THRB: variants seen among roughly 807,000 people sequenced by gnomAD.
THRB encodes the protein nuclear receptor subfamily 1 group A member 2.
Under a neutral mutation model 47.8 loss-of-function variants are expected in THRB, and 12 were observed. That is an observed-to-expected ratio of 0.25 (90% CI 0.16 to 0.41). The LOEUF is 0.41. THRB is among the 10% of genes least tolerant of loss of function. The pLI is 1.00. For missense variants in THRB, 348 were observed against 589.2 expected, an observed-to-expected ratio of 0.59 and a Z score of 4.24; for synonymous variants, 218 against 212.2, an observed-to-expected ratio of 1.03 and a Z score of -0.24.
At chr3:24,360,151 T>C (rs532466691) in intron 1 of THRB, among the ~76,000 whole-genome samples, 2 of 152,298 alleles carry the variant, frequency 1.3e-5, no homozygotes, top group African/African-American at 2.4e-5. Context: ...GCAACATTTA[T>C]TGATTATCTG....
chr3:24,274,583 TTCTC>T (rs754791834), intron 3 of THRB, among the ~76,000 whole-genome samples: 25 of 152,204 alleles, frequency 1.6e-4, no homozygotes, highest in Non-Finnish European at 3.4e-4. Context: ...CTTCTTTCCC[TTCTC>T]TCTTTCTTGT....
At chr3:24,125,053 T>A (rs2148806467) in intron 10 of THRB, among the ~76,000 whole-genome samples, 1 of 152,338 alleles carries the variant, frequency 6.6e-6, no homozygotes, top group Non-Finnish European at 1.5e-5. Context: ...ATTCACAGTT[T>A]TTGTCATCTC....
At chr3:24,395,090 C>G (rs1014237499) in intron 1 of THRB, among the ~76,000 whole-genome samples, 10 of 152,046 alleles carry the variant, frequency 6.6e-5, no homozygotes, top group Admixed American at 6.6e-5. Context: ...GAAGCTGGAA[C>G]CCTTCCTCAT....
At chr3:24,175,460 TC>T (rs1302575254) in intron 5 of THRB, among the ~76,000 whole-genome samples, 2 of 152,166 alleles carry the variant, frequency 1.3e-5, no homozygotes, top group African/African-American at 4.8e-5. Flanking sequence ...GAGATACTAT[TC>T]AAAAAGAGCT....
At chr3:24,356,131 A>T (rs1045588368) in intron 1 of THRB, among the ~76,000 whole-genome samples, 1 of 152,088 alleles carries the variant, frequency 6.6e-6, no homozygotes, top group African/African-American at 2.4e-5. Flanking sequence ...CTAGGAAAAA[A>T]GGAGAGGGTG....
chr3:24,150,079 T>C (rs1359108494), intron 6 of THRB, among the ~76,000 whole-genome samples: 1 of 152,220 alleles, frequency 6.6e-6, no homozygotes, highest in African/African-American at 2.4e-5. Context: ...GCTTTGATTC[T>C]TTCTCTAAAA....
chr3:24,490,877 A>C (rs1264660536), intron 1 of THRB, among the ~76,000 whole-genome samples: 1 of 152,218 alleles, frequency 6.6e-6, no homozygotes, highest in Non-Finnish European at 1.5e-5. Context: ...AACAATAAAC[A>C]TACTGGGTTA....
intron 1 of THRB, among the ~76,000 whole-genome samples, chr3:24,361,870 A>G (rs1478894017): frequency 6.6e-6 from 1 of 152,138 alleles, no homozygotes; most frequent in Non-Finnish European, 1.5e-5. Flanking sequence ...CTGCCGATTT[A>G]ACTTATGGGC....
At chr3:24,173,298 GTCT>G (rs1033075737) in intron 5 of THRB, among the ~76,000 whole-genome samples, 5 of 152,264 alleles carry the variant, frequency 3.3e-5, no homozygotes, top group South Asian at 4.1e-4. Flanking sequence ...CAAAACTTCT[GTCT>G]TCTTCTGTTG....
chr3:24,484,529 T>C (rs1696988539), intron 1 of THRB, among the ~76,000 whole-genome samples: 1 of 152,206 alleles, frequency 6.6e-6, no homozygotes, highest in Admixed American at 6.5e-5. Context: ...CCTTACTGGT[T>C]GCTTTTCACT....
At chr3:24,285,500 T>C (rs909290266) in intron 3 of THRB, among the ~76,000 whole-genome samples, 1 of 150,370 alleles carries the variant, frequency 6.7e-6, no homozygotes, top group Non-Finnish European at 1.5e-5. Context: ...AGTTAGTGGG[T>C]GCAGCACACC....
chr3:24,204,216 C>A (rs997124586), intron 4 of THRB, among the ~76,000 whole-genome samples: 8 of 152,232 alleles, frequency 5.3e-5, no homozygotes, highest in Non-Finnish European at 8.8e-5. Flanking sequence ...TCAAGTGGGT[C>A]CCCGACCCCT....
At chr3:24,355,837 C>A (rs2063640194) in intron 1 of THRB, among the ~76,000 whole-genome samples, 1 of 152,118 alleles carries the variant, frequency 6.6e-6, no homozygotes, top group Non-Finnish European at 1.5e-5. Context: ...ACTTGTATAT[C>A]AGAGTCTGGC....
chr3:24,443,272 G>T (rs1057270271), intron 1 of THRB, among the ~76,000 whole-genome samples: 1 of 152,072 alleles, frequency 6.6e-6, no homozygotes, highest in African/African-American at 2.4e-5. Flanking sequence ...CTGAATAGAT[G>T]AATTGATTAG....
intron 1 of THRB, chr3:24,486,431 G>A (rs1483328237): frequency 6.6e-6 from 1 of 152,124 alleles, no homozygotes; most frequent in East Asian, 1.9e-4. Context: ...GATGTCCCAT[G>A]CATTTGTGAC....
intron 2 of THRB, among the ~76,000 whole-genome samples, chr3:24,298,370 C>T (rs1329748049): frequency 6.6e-6 from 1 of 152,196 alleles, no homozygotes; most frequent in African/African-American, 2.4e-5. Flanking sequence ...TAACATTTCT[C>T]CCACCTGAAG....
chr3:24,302,915 A>T (rs1472073615), intron 2 of THRB, among the ~76,000 whole-genome samples: 2 of 152,222 alleles, frequency 1.3e-5, no homozygotes, highest in Admixed American at 1.3e-4. Context: ...TATAAAGAAG[A>T]CTTACTGATT....
intron 8 of THRB, among the ~76,000 whole-genome samples, chr3:24,137,679 A>G (rs908467383): frequency 1.3e-5 from 2 of 152,186 alleles, no homozygotes; most frequent in Admixed American, 6.5e-5. Context: ...CCGTGATGCT[A>G]GGCATTGTAG....
At chr3:24,361,693 C>T (rs1399022803) in intron 1 of THRB, among the ~76,000 whole-genome samples, 2 of 152,138 alleles carry the variant, frequency 1.3e-5, no homozygotes, top group Non-Finnish European at 2.9e-5. Context: ...GGTTTCTTCA[C>T]CACTAGTGGC....
Sources: gnomAD v4.1 joint callset for allele counts (sites outside exome capture counted in the v4.1 genomes callset) on GRCh38, gnomAD v4.1.1 for gene constraint, MANE v1.5 for transcripts, NCBI Gene and HGNC (gene_info 2026-07-23, HGNC 2026-07-21) for gene names.